Variants in GYPB observed in about 807,000 individuals in gnomAD.
GYPB encodes the protein glycophorin-B.
GYPB carries 13 observed loss-of-function variants against 15.3 expected under a neutral mutation model. The ratio of observed to expected loss-of-function variants is 0.85; its 90% CI spans 0.55 to 1.35. The LOEUF (loss-of-function observed/expected upper bound fraction) is 1.35, where lower values mean the gene tolerates loss of function less well. Ranked by LOEUF, GYPB falls within the 40% of genes most tolerant of loss-of-function variation. The pLI is 0.00. For missense variants in GYPB, 131 were observed against 108.3 expected, an observed-to-expected ratio of 1.21 and a Z score of -0.93; for synonymous variants, 38 against 36.9, an observed-to-expected ratio of 1.03 and a Z score of -0.11.
intron 1 of GYPB, among the ~76,000 whole-genome samples, chr4:144,004,451 A>G (rs1402624452): frequency 6.6e-6 from 1 of 151,976 alleles, no homozygotes; most frequent in Non-Finnish European, 1.5e-5. Context: ...GTCATCTTGA[A>G]GGAACAATAG....
intron 1 of GYPB, among the ~76,000 whole-genome samples, chr4:144,008,049 CAT>C (rs1319359427): frequency 6.6e-6 from 1 of 151,526 alleles, no homozygotes; most frequent in Non-Finnish European, 1.5e-5. Context: ...TCATTCCACA[CAT>C]CTCTCTAACC....
chr4:144,019,352 C>T lies in GYPB; in HGVS notation c.-65G>A. On this transcript the variant is annotated 5_prime_UTR_variant, in exon 1 of 5. Transcript: ENST00000502664. ...AACTACCAAAGACAACTGCAAGTGT[C>T]AGTGTCTGGCCTTAGCCTACTAGCT... is the stretch of plus-strand genomic sequence containing the variant. 6.2e-7 allele frequency: 1 copy of T among 1,611,350 alleles called. No individual in the cohort carries two copies. The highest frequency in any genetic ancestry group is 8.5e-7 in the Non-Finnish European group (1 of 1,179,130).
chr4:144,019,140 A>G (rs1728655456), intron 1 of GYPB, 111 bp downstream of exon 1: 33 of 1,519,030 alleles, frequency 2.2e-5, no homozygotes, highest in Non-Finnish European at 2.8e-5. Context: ...AAGAGGAAAT[A>G]CTACTCATTT....
chr4:144,008,845 G>T (rs1264687737), intron 1 of GYPB, among the ~76,000 whole-genome samples: 1 of 151,398 alleles, frequency 6.6e-6, no homozygotes. Flanking sequence ...TGATATCCAG[G>T]CATTGGATTC....
At chr4:144,000,129 A>G (rs1458519233) in intron 2 of GYPB, 6 of 174,360 alleles carry the variant, frequency 3.4e-5, no homozygotes, top group African/African-American at 1.5e-4. Context: ...TACTTAGTAT[A>G]TGCTATGTTG....
At chr4:144,000,097 C>T (rs1727543268) in intron 2 of GYPB, 1 of 174,046 alleles carries the variant, frequency 5.7e-6, no homozygotes, top group African/African-American at 2.4e-5. Context: ...ACACAATTTT[C>T]TAGAGTTTAA....
intron 3 of GYPB, among the ~76,000 whole-genome samples, chr4:143,998,336 C>T (rs1477213476): frequency 6.6e-6 from 1 of 151,292 alleles, no homozygotes; most frequent in African/African-American, 2.5e-5. Context: ...TGTAGTACTT[C>T]CAGATGAAGT....
intron 1 of GYPB, among the ~76,000 whole-genome samples, chr4:144,011,524 A>C (rs1728220936): frequency 6.6e-6 from 1 of 151,342 alleles, no homozygotes; most frequent in South Asian, 2.1e-4. Context: ...ATGATTCTTA[A>C]GTAATTATGG....
At chr4:144,003,095 G>A (rs1327799938) in intron 1 of GYPB, among the ~76,000 whole-genome samples, 1 of 151,228 alleles carries the variant, frequency 6.6e-6, no homozygotes, top group Non-Finnish European at 1.5e-5. Flanking sequence ...CAAATTTTAG[G>A]ATTAAAATTA....
At chr4:143,997,758 A>T (rs1177939764) in intron 3 of GYPB, 124 bp from the exon 4 acceptor site, 4 of 644,446 alleles carry the variant, frequency 6.2e-6, no homozygotes, top group Non-Finnish European at 1.2e-5. Context: ...TTAACATACT[A>T]TTATGTGTAT....
At chr4:144,018,150 T>G (rs1728602068) in intron 1 of GYPB, among the ~76,000 whole-genome samples, 1 of 151,476 alleles carries the variant, frequency 6.6e-6, no homozygotes, top group Admixed American at 6.6e-5. Context: ...TTCCATTAAA[T>G]ATTTTGTTTA....
At chr4:144,003,510 C>T (rs1047112366) in intron 1 of GYPB, among the ~76,000 whole-genome samples, 10 of 151,296 alleles carry the variant, frequency 6.6e-5, no homozygotes, top group African/African-American at 2.5e-4. Context: ...GGCAAAGAAC[C>T]AACAATGGGA....
At chr4:143,999,039 C>T (rs1341228794) in intron 3 of GYPB, among the ~76,000 whole-genome samples, 5 of 151,088 alleles carry the variant, frequency 3.3e-5, no homozygotes, top group Admixed American at 6.6e-5. Flanking sequence ...GCCTCCCAAG[C>T]AGTTGAGACT....
intron 3 of GYPB, 128 bp from the exon 4 acceptor site, chr4:143,997,762 T>C: frequency 1.6e-6 from 1 of 636,738 alleles, no homozygotes; most frequent in Non-Finnish European, 2.9e-6. Context: ...CATACTATTA[T>C]GTGTATTTTG....
chr4:144,012,897 C>A (rs1728289025), intron 1 of GYPB: 1 of 151,260 alleles, frequency 6.6e-6, no homozygotes. Context: ...TTAAATTTGG[C>A]AATTATTTTT....
intron 2 of GYPB, 101 bp downstream of exon 2, chr4:144,001,084 A>G (rs907286477): frequency 6.3e-7 from 1 of 1,589,286 alleles, no homozygotes; most frequent in African/African-American, 1.4e-5. Context: ...CGCATTTCTC[A>G]GTGTTTGTCA....
intron 4 of GYPB, among the ~76,000 whole-genome samples, chr4:143,996,788 A>AGGC (rs1464992656): frequency 5.3e-5 from 4 of 76,152 alleles, no homozygotes; most frequent in African/African-American, 2.1e-4. Flanking sequence ...AAATTTAAAA[A>AGGC]ACTTTAATGA....
At chr4:144,003,154 A>C (rs1353744672) in intron 1 of GYPB, among the ~76,000 whole-genome samples, 1 of 151,600 alleles carries the variant, frequency 6.6e-6, no homozygotes, top group Non-Finnish European at 1.5e-5. Context: ...AATTATTTAC[A>C]AAGATAACTA....
At chr4:144,008,411 T>C in intron 1 of GYPB, 6 of 455,250 alleles carry the variant, frequency 1.3e-5, no homozygotes, top group Non-Finnish European at 2.6e-5. Context: ...AGCCTGAGGG[T>C]AGGAGTGTTG....
Sources: gnomAD v4.1 joint callset for allele counts (sites outside exome capture counted in the v4.1 genomes callset) on GRCh38, gnomAD v4.1.1 for gene constraint, MANE v1.5 for transcripts, NCBI Gene and HGNC (gene_info 2026-07-23, HGNC 2026-07-21) for gene names.